IL31RA: variants seen among roughly 807,000 people sequenced by gnomAD.
IL31RA encodes interleukin 31 receptor A, also known as interleukin-31 receptor subunit alpha.
In IL31RA, 66 loss-of-function variants were observed where a neutral mutation model predicts 83.7. The observed-to-expected ratio is 0.79, with a 90% CI of 0.65 to 0.97. The LOEUF (loss-of-function observed/expected upper bound fraction) is 0.97. IL31RA is among the 50% of genes least tolerant of loss of function. The probability of loss-of-function intolerance (pLI) is 0.00; values close to 1 mark genes in which losing one functional copy is unlikely to be tolerated. For synonymous variants in IL31RA, 325 were observed against 329.0 expected (o/e 0.99, Z 0.13); for missense variants, 798 against 919.4 (o/e 0.87, Z 1.71).
chr5:55,875,618 A>G (rs765862325), intron 4 of IL31RA, among the ~76,000 whole-genome samples: 1 of 152,184 alleles, frequency 6.6e-6, no homozygotes, highest in Non-Finnish European at 1.5e-5. Flanking sequence ...GAAGGGGACA[A>G]GATTATTCAC....
Position 55,908,363 on chromosome 5 carries a change from A to G in IL31RA, c.1453A>G (p.Ile485Val), listed in dbSNP as rs1749285005. The G allele has an allele frequency of 6.2e-7, 1 of 1,614,228 alleles. No individual in the cohort carries two copies. Among genetic ancestry groups the G allele is most frequent in the Non-Finnish European group, 8.5e-7 (1 of 1,180,044 alleles). Reference sequence around the variant, plus strand: ...TCCCAAGAGTGAGAGAAAGGGTATCATCTGCAACTACACCATCTTTTACCA... The same window carrying G: ...TCCCAAGAGTGAGAGAAAGGGTATCGTCTGCAACTACACCATCTTTTACCA... ...EIPKSERKGI[I>V]CNYTIFYQAE... is the part of the protein sequence containing the mutation. The change falls in exon 11 of 15, where the codon ATC (isoleucine) becomes GTC (valine). Residue 485 changes from isoleucine to valine, a missense_variant. Transcript: ENST00000652347.
At position 55,896,368 on chromosome 5, in the gene IL31RA, T is replaced by TGAAACC. The variant is rs774191346; in HGVS notation, c.792_793insAAACCG (p.Leu264_Trp265insLysPro). 2 of 1,613,472 alleles carry TGAAACC rather than the reference T, an allele frequency of 1.2e-6. No individual in the cohort carries two copies. The highest frequency in any genetic ancestry group is 2.2e-5 in the South Asian group (2 of 91,056). On this transcript the variant is annotated inframe_insertion, in exon 7 of 15. Transcript: ENST00000652347. The stretch of plus-strand genomic sequence containing the variant: ...CTTACAGCTCCATGTGGCCTGGAAC[T>TGAAACC]GTGGAGAGTCCTGAAACCAGCTGAG...
At chr5:55,881,471 A>G (rs1019160322) in intron 4 of IL31RA, among the ~76,000 whole-genome samples, 2 of 151,948 alleles carry the variant, frequency 1.3e-5, no homozygotes, top group African/African-American at 2.4e-5. Context: ...ACGCCGGCCT[A>G]CTTCCGGCAC....
intron 7 of IL31RA, among the ~76,000 whole-genome samples, chr5:55,896,912 G>T (rs1374483879): frequency 1.2e-5 from 1 of 83,824 alleles, no homozygotes. Flanking sequence ...TAACTCCTGG[G>T]CTCAAGTGAT....
rs1745060662 is a variant in IL31RA, at chr5:55,851,449, A to G, written c.-122A>G. ...GCAAAATCACTCATAAAAGGCAAAA[A>G]ATTGCAAAAAAAAATAGTAATAACC... is the stretch of plus-strand genomic sequence containing the variant. On this transcript the variant is annotated 5_prime_UTR_variant, in exon 1 of 15. Transcript: ENST00000652347. The G allele has an allele frequency of 5.6e-6, 9 of 1,595,956 alleles. No homozygotes were observed. The highest frequency in any genetic ancestry group is 6.8e-6 in the Non-Finnish European group (8 of 1,169,686).
chr5:55,880,417 A>G (rs1175219137), intron 4 of IL31RA, among the ~76,000 whole-genome samples: 1 of 152,252 alleles, frequency 6.6e-6, no homozygotes, highest in East Asian at 1.9e-4. Flanking sequence ...GCATGCCTGT[A>G]TCAAAACAGC....
Position 55,922,054 on chromosome 5 carries a change from CGG to C in IL31RA, c.*4945_*4946del, listed in dbSNP as rs56052025. ...AGTGTCTTGCACTCTTATGTTGTGGCGGGGGGGGGGGGCGGTTCCTGAAGAGT... is the reference window on the plus strand; with the variant it reads ...AGTGTCTTGCACTCTTATGTTGTGGCGGGGGGGGGGCGGTTCCTGAAGAGT... On this transcript the variant is annotated 3_prime_UTR_variant, in exon 15 of 15. Transcript: ENST00000652347. Among the ~76,000 whole-genome samples, 40,922 of 70,594 alleles carry C rather than the reference CGG, an allele frequency of 0.58. 9,727 individuals carry two copies. The highest frequency in any genetic ancestry group is 0.59 in the South Asian group (1,062 of 1,806). 46.3% of individuals were successfully genotyped at this position (70,594 alleles called of 152,430 possible).
At chr5:55,850,981 A>G (rs1745040613), upstream of IL31RA, among the ~76,000 whole-genome samples, 2 of 151,990 alleles carry the variant, frequency 1.3e-5, no homozygotes, top group African/African-American at 2.4e-5. Context: ...TCCCAGCTAC[A>G]TGGGAGGCTG....
intron 4 of IL31RA, among the ~76,000 whole-genome samples, chr5:55,874,117 A>T (rs1006526406): frequency 6.6e-6 from 1 of 152,070 alleles, no homozygotes; most frequent in Non-Finnish European, 1.5e-5. Flanking sequence ...ATATCCAGTT[A>T]TCTCAGAATC....
intron 8 of IL31RA, among the ~76,000 whole-genome samples, chr5:55,904,617 C>T (rs1328909610): frequency 2.0e-5 from 3 of 152,204 alleles, no homozygotes; most frequent in South Asian, 4.1e-4. Flanking sequence ...TGACAACTTA[C>T]CTGGCCTTGC....
intron 11 of IL31RA, chr5:55,908,978 C>A: frequency 1.3e-6 from 1 of 778,300 alleles, no homozygotes; most frequent in Non-Finnish European, 1.6e-6. Flanking sequence ...GCAACCATCA[C>A]CACTATTTCC....
chr5:55,908,883 T>C (rs1713809441), intron 11 of IL31RA: 4 of 1,312,170 alleles, frequency 3.0e-6, no homozygotes, highest in South Asian at 4.8e-5. Context: ...TTTTTTCTTA[T>C]GGTAAAATAC....
chr5:55,876,501 G>A (rs895741542), intron 4 of IL31RA, among the ~76,000 whole-genome samples: 3 of 152,130 alleles, frequency 2.0e-5, no homozygotes, highest in African/African-American at 4.8e-5. Flanking sequence ...AGATAATGCC[G>A]GAGTTTACTT....
rs76673438 is a variant in IL31RA, at chr5:55,881,476, C to T, written c.455-1568C>T. Among the ~76,000 whole-genome samples, 677 of 152,100 alleles carry T rather than the reference C, an allele frequency of 4.5e-3. 4 individuals are homozygous for T. The highest frequency in any genetic ancestry group is 0.016 in the African/African-American group (648 of 41,488). On this transcript the variant is annotated intron_variant, in intron 4 of 14. Coordinates refer to ENST00000652347, the MANE Select transcript of IL31RA (RefSeq NM_139017.7). ...TGGGTTTTCTACGCCGGCCTACTTC[C>T]GGCACCTTGCGTCCCATTTCCCTTG...
chr5:55,919,213 C>T lies in IL31RA; in HGVS notation c.*2093C>T, dbSNP rs1333361360. ...CACAGCTGTTCTTTCAACCCTCCTGCCCACCTGTAGTTGGGGGAATTTTCT... is the reference window on the plus strand; with the variant it reads ...CACAGCTGTTCTTTCAACCCTCCTGTCCACCTGTAGTTGGGGGAATTTTCT... On this transcript the variant is annotated 3_prime_UTR_variant, in exon 15 of 15. Coordinates refer to ENST00000652347, the MANE Select transcript of IL31RA (RefSeq NM_139017.7). Among the ~76,000 whole-genome samples, 2 of 152,166 alleles carry T rather than the reference C, an allele frequency of 1.3e-5. No individual in the cohort carries two copies. The highest frequency in any genetic ancestry group is 4.8e-5 in the African/African-American group (2 of 41,436).
the IL31RA span, among the ~76,000 whole-genome samples, chr5:55,845,816 A>G: frequency 2.0e-5 from 3 of 152,222 alleles, no homozygotes; most frequent in Non-Finnish European, 2.9e-5. Context: ...GGACTAATAC[A>G]GCAGGCCTTG....
Position 55,916,797 on chromosome 5 carries a change from A to G in IL31RA, c.1972A>G (p.Thr658Ala). 1 of 1,614,190 alleles carries G rather than the reference A, an allele frequency of 6.2e-7. No individual in the cohort carries two copies. The highest frequency in any genetic ancestry group is 8.5e-7 in the Non-Finnish European group (1 of 1,180,028). ...LQEIFTDEARTGQENNLGGEK... is the reference protein window; with the variant it reads ...LQEIFTDEARAGQENNLGGEK... ...AGAAATTTTCACAGATGAAGCCAGA[A>G]CGGGTCAGGAAAACAATTTAGGAGG... The change falls in exon 15 of 15, where the codon ACG (threonine) becomes GCG (alanine). Residue 658 changes from threonine to alanine, a missense_variant. Thr to Ala is a moderately conservative substitution (Grantham distance 58, BLOSUM62 0). Coordinates refer to ENST00000652347, the MANE Select transcript of IL31RA (RefSeq NM_139017.7).
At chr5:55,914,750 C>A (rs1370450369) in intron 13 of IL31RA, 97 bp from the exon 14 acceptor site, 5 of 918,744 alleles carry the variant, frequency 5.4e-6, no homozygotes, top group Non-Finnish European at 9.0e-6. Flanking sequence ...GGGAAACTTA[C>A]AATTCCCTTT....
At chr5:55,906,403 C>T in intron 9 of IL31RA, 115 bp downstream of exon 9, 1 of 943,620 alleles carries the variant, frequency 1.1e-6, no homozygotes, top group Non-Finnish European at 1.7e-6. Flanking sequence ...TAGCATTTGT[C>T]AAGCTTGTGC....
Sources: gnomAD v4.1 joint callset for allele counts (sites outside exome capture counted in the v4.1 genomes callset) on GRCh38, gnomAD v4.1.1 for gene constraint, MANE v1.5 for transcripts, NCBI Gene and HGNC (gene_info 2026-07-23, HGNC 2026-07-21) for gene names.